The following VIP variants were observed in gnomAD, a reference collection of about 807,000 sequenced individuals.
The protein encoded by VIP is VIP peptides.
Under a neutral mutation model 20.1 loss-of-function variants are expected in VIP, and 18 were observed. The ratio of observed to expected loss-of-function variants is 0.90; its 90% CI spans 0.62 to 1.33. The LOEUF is 1.33. VIP is among the 40% of genes most tolerant of loss of function. The probability of loss-of-function intolerance (pLI) is 0.00; values close to 1 mark genes in which losing one functional copy is unlikely to be tolerated. For synonymous variants in VIP, 70 were observed against 68.1 expected (o/e 1.03, Z -0.14); for missense variants, 209 against 199.4 (o/e 1.05, Z -0.29).
chr6:152,752,506 G>A (rs1281368308), intron 2 of VIP, among the ~76,000 whole-genome samples: 3 of 151,636 alleles, frequency 2.0e-5, no homozygotes, highest in East Asian at 1.9e-4. Flanking sequence ...AGTTTTATGG[G>A]CTGAGTGGAT....
intron 2 of VIP, among the ~76,000 whole-genome samples, chr6:152,753,327 A>G (rs2099729934): frequency 6.6e-6 from 1 of 152,158 alleles, no homozygotes; most frequent in East Asian, 1.9e-4. Flanking sequence ...TGAAAGATAC[A>G]CAAGTGTCCA....
intron 3 of VIP, 49 bp from the exon 4 acceptor site, chr6:152,755,220 T>C: frequency 8.0e-7 from 1 of 1,254,408 alleles, no homozygotes; most frequent in Non-Finnish European, 1.1e-6. Context: ...AATAATATTC[T>C]AGAAAGCCAT....
At position 152,755,336 on chromosome 6, in the gene VIP, A is replaced by G. The variant is rs964961967; in HGVS notation, c.298A>G (p.Lys100Glu). 23 of 1,594,524 alleles carry G rather than the reference A, an allele frequency of 1.4e-5. No homozygotes were observed. The highest frequency in any genetic ancestry group is 2.0e-5 in the Non-Finnish European group (23 of 1,170,184). Residue 100 changes from lysine (K) to glutamate (E), a missense_variant, in exon 4 of 7, where the codon AAA (lysine) becomes GAA (glutamate). By Grantham distance (56) the Lys-to-Glu change is moderately conservative. Coordinates refer to ENST00000367244, the MANE Select transcript of VIP (RefSeq NM_003381.4). ...TAAACTCTTGGGTCAACTTTCTGCC[A>G]AAAAGTACCTTGAGTCTCTTATGGG... Reference protein sequence around the residue: ...FSKLLGQLSAKKYLESLMGKR... With the variant: ...FSKLLGQLSAEKYLESLMGKR...
chr6:152,754,721 A>G (rs530464691), intron 3 of VIP, among the ~76,000 whole-genome samples: 2 of 152,128 alleles, frequency 1.3e-5, no homozygotes, highest in East Asian at 1.9e-4. Context: ...AGTACTTGGT[A>G]CAGACAAAGT....
In VIP at chr6:152,756,264, A is replaced by T. The variant is rs776542614; in HGVS notation, c.466A>T (p.Ser156Cys). Reference sequence around the variant, plus strand: ...GAACTCAATTCTGAATGGAAAGAGGAGGTAAAGAAAAAGAGAACTTGCTAA... The same window carrying T: ...GAACTCAATTCTGAATGGAAAGAGGTGGTAAAGAAAAAGAGAACTTGCTAA... ...YLNSILNGKR[S>C]SEGESPDFPE... The change falls in exon 5 of 7, where the codon AGC becomes TGC. Residue 156 changes from serine to cysteine, a missense_variant and splice_region_variant. By Grantham distance (112) the Ser-to-Cys change is moderately radical (BLOSUM62 -1). Coordinates refer to ENST00000367244, the MANE Select transcript of VIP (RefSeq NM_003381.4). 1 of 1,603,414 alleles carries T rather than the reference A, an allele frequency of 6.2e-7. No individual in the cohort carries two copies. Among genetic ancestry groups the T allele is most frequent in the Non-Finnish European group, 8.5e-7 (1 of 1,175,930 alleles).
intron 6 of VIP, among the ~76,000 whole-genome samples, chr6:152,758,326 C>G (rs543603411): frequency 6.6e-6 from 1 of 152,016 alleles, no homozygotes; most frequent in South Asian, 2.1e-4. Flanking sequence ...CTGCTTTTGT[C>G]CACTAATTAC....
At chr6:152,754,373 C>A in intron 3 of VIP, 85 bp downstream of exon 3, 2 of 1,316,810 alleles carry the variant, frequency 1.5e-6, no homozygotes, top group Non-Finnish European at 2.1e-6. Context: ...TTTTATCTCA[C>A]CATGAAGCTA....
chr6:152,754,728 A>C (rs1271083053), intron 3 of VIP, among the ~76,000 whole-genome samples: 2 of 151,940 alleles, frequency 1.3e-5, no homozygotes, highest in African/African-American at 4.8e-5. Flanking sequence ...GGTACAGACA[A>C]AGTATAAAAG....
chr6:152,755,068 G>A (rs2099730208), intron 3 of VIP, among the ~76,000 whole-genome samples: 1 of 151,846 alleles, frequency 6.6e-6, no homozygotes, highest in Non-Finnish European at 1.5e-5. Context: ...AGTGTCTTGG[G>A]CTAGAAATAT....
Position 152,756,243 on chromosome 6 carries a change from T to A in VIP, c.445T>A (p.Ser149Thr), listed in dbSNP as rs149704324. Reference sequence around the variant, plus strand: ...AATGGCTGTAAAGAAATATTTGAACTCAATTCTGAATGGAAAGAGGAGGTA... The same window carrying A: ...AATGGCTGTAAAGAAATATTTGAACACAATTCTGAATGGAAAGAGGAGGTA... Reference protein sequence around the residue: ...KQMAVKKYLNSILNGKRSSEG... With the variant: ...KQMAVKKYLNTILNGKRSSEG... Residue 149 changes from serine to threonine, a missense_variant, in exon 5 of 7, where the codon TCA becomes ACA. Physicochemically the swap from Ser to Thr is moderately conservative, Grantham distance 58. Transcript: ENST00000367244. 12 of 1,610,266 alleles carry A rather than the reference T, an allele frequency of 7.5e-6. No individual in the cohort carries two copies. Among genetic ancestry groups the A allele is most frequent in the Non-Finnish European group, 8.5e-6 (10 of 1,177,936 alleles).
Position 152,755,988 on chromosome 6 carries a change from A to G in VIP, c.336-146A>G, listed in dbSNP as rs1032981059. On this transcript the variant is annotated intron_variant, in intron 4 of 6. Coordinates refer to ENST00000367244, the MANE Select transcript of VIP (RefSeq NM_003381.4). ...CTTGCTTTCCTTCATCCTTAGGTTT[A>G]GTTGTATTTTTCTTTTAGTCTTTTT... 4.9e-6 allele frequency: 4 copies of G among 812,100 alleles called. No individual in the cohort carries two copies. The African/African-American group carries it at 7.2e-5, about 15-fold the overall frequency. The allele number at this position is 812,100 out of a possible 1,614,324, so 50.3% of individuals were successfully genotyped here.
chr6:152,755,440 T>G (rs181254986), intron 4 of VIP, 67 bp downstream of exon 4: 3 of 989,506 alleles, frequency 3.0e-6, no homozygotes, highest in Non-Finnish European at 4.3e-6. Context: ...GTATTTTCAC[T>G]CTTAACAAGT....
chr6:152,751,996 A>C (rs2099729723), intron 1 of VIP, among the ~76,000 whole-genome samples, 172 bp from the exon 2 acceptor site: 1 of 152,214 alleles, frequency 6.6e-6, no homozygotes. Flanking sequence ...CCTGTCACTG[A>C]GAGAAATACT....
At chr6:152,751,082 A>C (rs1285544880) in intron 1 of VIP, 123 bp downstream of exon 1, 1 of 152,236 alleles carries the variant, frequency 6.6e-6, no homozygotes, top group African/African-American at 2.4e-5. Context: ...CAACAGCAAA[A>C]AACAAGTTTC....
chr6:152,756,310 T>G (rs1470593517), intron 5 of VIP, 45 bp downstream of exon 5: 14 of 1,578,686 alleles, frequency 8.9e-6, no homozygotes, highest in African/African-American at 1.4e-5. Flanking sequence ...CATGACTGAC[T>G]TTCAAAATAG....
In VIP at chr6:152,752,257, C is replaced by G. The variant is rs2099729760; in HGVS notation, c.80C>G (p.Pro27Arg). 6.2e-7 allele frequency: 1 copy of G among 1,613,270 alleles called. No homozygotes were observed. The highest frequency in any genetic ancestry group is 1.7e-5 in the Admixed American group (1 of 59,978). The change falls in exon 2 of 7, where the codon CCT becomes CGT. Residue 27 changes from proline (P) to arginine (R), a missense_variant. By Grantham distance (103) the Pro-to-Arg change is moderately radical. Coordinates refer to ENST00000367244, the MANE Select transcript of VIP (RefSeq NM_003381.4). Reference sequence around the variant, plus strand: ...CTCTTCTCACAGACTTCGGCATGGCCTCTTTACAGGGCACCTTCTGCTCTC... The same window carrying G: ...CTCTTCTCACAGACTTCGGCATGGCGTCTTTACAGGGCACCTTCTGCTCTC... The part of the protein sequence containing the change: ...SVLFSQTSAW[P>R]LYRAPSALRL...
chr6:152,757,204 C>G lies in VIP; in HGVS notation c.*43+20C>G. On this transcript the variant is annotated intron_variant, in intron 6 of 6. Coordinates refer to ENST00000367244, the MANE Select transcript of VIP (RefSeq NM_003381.4). ...CCAGTGGTGGGTATATTCGTGCATT[C>G]CTTCTGTATTCTTATGGCTGTCTCT... The G allele has an allele frequency of 6.7e-7, 1 of 1,491,982 alleles. No individual in the cohort carries two copies. 92.4% of individuals were successfully genotyped at this position (1,491,982 alleles called of 1,614,324 possible).
chr6:152,751,041 T>G (rs2099729538), intron 1 of VIP, 82 bp downstream of exon 1: 1 of 152,214 alleles, frequency 6.6e-6, no homozygotes, highest in South Asian at 2.1e-4. Context: ...TTTTTCTCTC[T>G]TGAAAAGAAT....
chr6:152,752,501 T>A (rs908577365), intron 2 of VIP, among the ~76,000 whole-genome samples: 6 of 151,744 alleles, frequency 4.0e-5, no homozygotes, highest in Non-Finnish European at 5.9e-5. Context: ...TTATTAGTTT[T>A]ATGGGCTGAG....
Sources: allele counts gnomAD v4.1 joint callset (sites outside exome capture counted in the v4.1 genomes callset), GRCh38; gene constraint gnomAD v4.1.1; transcripts MANE v1.5; gene names NCBI Gene and HGNC (gene_info 2026-07-23, HGNC 2026-07-21).